The following SHANK2 variants were observed in gnomAD, a reference collection of about 807,000 sequenced individuals.
SHANK2 encodes the protein SH3 and multiple ankyrin repeat domains 2, also known as SH3 and multiple ankyrin repeat domains protein 2.
A neutral mutation model predicts 133.7 loss-of-function variants in SHANK2; 43 were observed. The ratio of observed to expected loss-of-function variants is 0.32; its 90% CI spans 0.25 to 0.41. The LOEUF (loss-of-function observed/expected upper bound fraction) is 0.41, where lower values mean the gene tolerates loss of function less well. Among genes scored for constraint, SHANK2 ranks in the 10% least tolerant of loss-of-function variants. The pLI, the probability that SHANK2 is intolerant of heterozygous loss-of-function variation, is 1.00. For synonymous variants in SHANK2, 1,017 were observed against 952.8 expected (o/e 1.07, Z -1.24); for missense variants, 1,994 against 2,235.8 (o/e 0.89, Z 2.18).
chr11:70,641,818 A>G (rs1555006476), intron 17 of SHANK2, among the ~76,000 whole-genome samples: 1 of 152,124 alleles, frequency 6.6e-6, no homozygotes, highest in Non-Finnish European at 1.5e-5. Flanking sequence ...AATGTCTAAA[A>G]TGGGTGCAGT....
At chr11:70,504,624 A>G (rs2059110779) in intron 17 of SHANK2, among the ~76,000 whole-genome samples, 1 of 152,190 alleles carries the variant, frequency 6.6e-6, no homozygotes, top group African/African-American at 2.4e-5. Context: ...GAGTCTTGGG[A>G]GCAGGACTAT....
intron 1 of SHANK2, among the ~76,000 whole-genome samples, chr11:71,237,556 G>A (rs552969515): frequency 5.9e-5 from 9 of 152,286 alleles, no homozygotes; most frequent in Admixed American, 2.0e-4. Context: ...GATAGCTGTC[G>A]TTATCTCCAA....
At chr11:71,071,717 C>T (rs1364192602) in intron 9 of SHANK2, among the ~76,000 whole-genome samples, 1 of 152,148 alleles carries the variant, frequency 6.6e-6, no homozygotes, top group Non-Finnish European at 1.5e-5. Flanking sequence ...AGTGGGACTC[C>T]AGCAGAGTGG....
chr11:71,175,266 A>G lies in SHANK2; in HGVS notation c.-12-27928T>C, dbSNP rs1443560312. ...TAAATGAGCAGTGGCAGGTTCCTGG[A>G]TGGGCATGGGAACAACACAGCTGAG... On this transcript the variant is annotated intron_variant, in intron 2 of 25. Coordinates refer to ENST00000601538, the MANE Select transcript of SHANK2 (RefSeq NM_012309.5). The surrounding 1 kb of genome is among the most constrained non-coding windows in gnomAD (Gnocchi z 4.2). Among the ~76,000 whole-genome samples the G allele has an allele frequency of 6.6e-6, 1 of 152,160 alleles. No individual in the cohort carries two copies. Among genetic ancestry groups the G allele is most frequent in the Non-Finnish European group, 1.5e-5 (1 of 68,024 alleles).
At chr11:71,251,875 C>A (rs1362335376) in intron 1 of SHANK2, among the ~76,000 whole-genome samples, 1 of 151,800 alleles carries the variant, frequency 6.6e-6, no homozygotes, top group Non-Finnish European at 1.5e-5. Flanking sequence ...GCCAGGGTGA[C>A]CGCAGCGGGG....
At chr11:70,584,288 G>C (rs951597531) in intron 17 of SHANK2, among the ~76,000 whole-genome samples, 1 of 152,134 alleles carries the variant, frequency 6.6e-6, no homozygotes, top group Non-Finnish European at 1.5e-5. Flanking sequence ...TCTGTGTTCC[G>C]ATCCCGTGTG....
chr11:70,720,196 A>G (rs1946045476), intron 14 of SHANK2, among the ~76,000 whole-genome samples: 1 of 152,080 alleles, frequency 6.6e-6, no homozygotes, highest in African/African-American at 2.4e-5. Context: ...GCCCATAAAC[A>G]CCGACTACCT....
At chr11:71,067,744 A>G (rs988482347) in intron 9 of SHANK2, among the ~76,000 whole-genome samples, 4 of 151,952 alleles carry the variant, frequency 2.6e-5, no homozygotes, top group Non-Finnish European at 4.4e-5. Context: ...GACCATCGTC[A>G]CTATCACCGT....
chr11:70,733,311 A>T (rs1367471686), intron 14 of SHANK2, among the ~76,000 whole-genome samples: 2 of 152,246 alleles, frequency 1.3e-5, no homozygotes, highest in African/African-American at 2.4e-5. Flanking sequence ...GTATGTTTAC[A>T]CAGAAGCAAG....
chr11:70,650,243 T>C (rs2061324393), intron 17 of SHANK2, among the ~76,000 whole-genome samples: 1 of 152,208 alleles, frequency 6.6e-6, no homozygotes, highest in African/African-American at 2.4e-5. Context: ...CCATGTTGGC[T>C]CCTTGGCCCC....
intron 9 of SHANK2, among the ~76,000 whole-genome samples, chr11:71,066,781 G>T (rs1159810443): frequency 2.0e-5 from 3 of 152,166 alleles, no homozygotes; most frequent in Non-Finnish European, 4.4e-5. Flanking sequence ...TGGCTGGGAC[G>T]CTTGTGTCAT....
At chr11:71,196,538 C>T (rs960017849) in intron 2 of SHANK2, among the ~76,000 whole-genome samples, 1 of 151,994 alleles carries the variant, frequency 6.6e-6, no homozygotes, top group Admixed American at 6.5e-5. Flanking sequence ...CCCATCTCGG[C>T]CTCCCAAAGT....
At chr11:70,594,704 T>C (rs926827948) in intron 17 of SHANK2, among the ~76,000 whole-genome samples, 3 of 152,144 alleles carry the variant, frequency 2.0e-5, no homozygotes, top group Non-Finnish European at 4.4e-5. Context: ...AACAACACCG[T>C]GAACCTCGAA....
chr11:71,106,775 TGCCA>T (rs1252421267), intron 6 of SHANK2, among the ~76,000 whole-genome samples: 1 of 151,322 alleles, frequency 6.6e-6, no homozygotes, highest in Non-Finnish European at 1.5e-5. Context: ...GCTGTGATCC[TGCCA>T]GCCTGGGTGA....
At chr11:71,088,652 T>C (rs1171507153) in intron 8 of SHANK2, among the ~76,000 whole-genome samples, 2 of 152,166 alleles carry the variant, frequency 1.3e-5, no homozygotes, top group Non-Finnish European at 2.9e-5. Context: ...CGCCCAGCCA[T>C]GTTTGCTGGT....
At chr11:70,835,592 T>C (rs1948802297) in intron 11 of SHANK2, among the ~76,000 whole-genome samples, 1 of 152,066 alleles carries the variant, frequency 6.6e-6, no homozygotes, top group Admixed American at 6.5e-5. Flanking sequence ...AGAAGAGATG[T>C]CCAGTCCCTG....
At chr11:70,645,706 A>G (rs1044444781) in intron 17 of SHANK2, among the ~76,000 whole-genome samples, 1 of 152,022 alleles carries the variant, frequency 6.6e-6, no homozygotes, top group Non-Finnish European at 1.5e-5. Context: ...AGTGGCCGAC[A>G]CCTCACAGTT....
intron 14 of SHANK2, among the ~76,000 whole-genome samples, chr11:70,724,129 G>A (rs1162166248): frequency 6.6e-6 from 1 of 151,634 alleles, no homozygotes; most frequent in Non-Finnish European, 1.5e-5. Context: ...TCTGCCTTGT[G>A]GGTTCCAGCA....
At chr11:71,213,773 C>A (rs782157996) in intron 2 of SHANK2, among the ~76,000 whole-genome samples, 2 of 152,170 alleles carry the variant, frequency 1.3e-5, no homozygotes, top group African/African-American at 2.4e-5. Context: ...AGAGGAACGG[C>A]CTTTCTGATA....
Sources: gnomAD v4.1 joint callset for allele counts (sites outside exome capture counted in the v4.1 genomes callset) on GRCh38, gnomAD v4.1.1 for gene constraint, Gnocchi (gnomAD v3.1) non-coding constraint, MANE v1.5 for transcripts, NCBI Gene and HGNC (gene_info 2026-07-23, HGNC 2026-07-21) for gene names.